CEP112: variants seen among roughly 807,000 people sequenced by gnomAD.
CEP112 encodes the protein centrosomal protein of 112 kDa.
A neutral mutation model predicts 153.0 loss-of-function variants in CEP112; 127 were observed. The observed-to-expected ratio is 0.83, with a 90% CI of 0.72 to 0.96. The LOEUF (loss-of-function observed/expected upper bound fraction) is 0.96, where lower values mean the gene tolerates loss of function less well. CEP112 is among the 40% of genes least tolerant of loss of function. The pLI is 0.00. For synonymous variants in CEP112, 358 were observed against 374.4 expected, an observed-to-expected ratio of 0.96 and a Z score of 0.51; for missense variants, 1,089 against 1,101.2, an observed-to-expected ratio of 0.99 and a Z score of 0.16.
chr17:66,181,728 T>C (rs1454009724), intron 2 of CEP112, among the ~76,000 whole-genome samples: 1 of 152,186 alleles, frequency 6.6e-6, no homozygotes, highest in Non-Finnish European at 1.5e-5. Flanking sequence ...TGAGAAATTT[T>C]AATACAAATG....
intron 12 of CEP112, among the ~76,000 whole-genome samples, chr17:66,036,216 G>C (rs2065733279): frequency 6.6e-6 from 1 of 152,138 alleles, no homozygotes; most frequent in South Asian, 2.1e-4. Context: ...AGACAGAATG[G>C]AAAATGGAAG....
At chr17:65,734,883 T>C (rs2050711064) in intron 23 of CEP112, among the ~76,000 whole-genome samples, 1 of 152,212 alleles carries the variant, frequency 6.6e-6, no homozygotes, top group African/African-American at 2.4e-5. Context: ...TCAGTGAGCT[T>C]TTCATACTAT....
chr17:65,953,496 T>C (rs1451643389), intron 18 of CEP112, among the ~76,000 whole-genome samples: 1 of 152,206 alleles, frequency 6.6e-6, no homozygotes, highest in African/African-American at 2.4e-5. Flanking sequence ...GCAGGCTCCC[T>C]GAGACAACAA....
chr17:65,640,995 A>G lies in CEP112; in HGVS notation c.2768T>C (p.Leu923Pro), dbSNP rs1194508339. ...TTTTAGGGAGGAAATGGTGTCTTCAAGTTCTTGTCTTAGGGATGCTGGCAT... is the reference window on the plus strand; with the variant it reads ...TTTTAGGGAGGAAATGGTGTCTTCAGGTTCTTGTCTTAGGGATGCTGGCAT... ...GLMPASLRQE[L>P]EDTISSLKSQ... Residue 923 changes from leucine to proline, a missense_variant, in exon 25 of 27, where the codon CTT (leucine) becomes CCT (proline). Leu to Pro is a moderately conservative substitution (Grantham distance 98). Transcript: ENST00000535342. The G allele has an allele frequency of 1.2e-6, 2 of 1,609,730 alleles. No individual in the cohort carries two copies. The highest frequency in any genetic ancestry group is 2.2e-5 in the East Asian group (1 of 44,812).
chr17:65,667,148 C>A (rs145067878), intron 24 of CEP112, among the ~76,000 whole-genome samples: 118 of 152,280 alleles, frequency 7.7e-4, no homozygotes, highest in African/African-American at 2.6e-3. Context: ...CATACCACAG[C>A]ATTCCCTTTT....
chr17:65,778,303 A>T (rs1418876784), intron 21 of CEP112, among the ~76,000 whole-genome samples: 1 of 152,212 alleles, frequency 6.6e-6, no homozygotes, highest in Non-Finnish European at 1.5e-5. Flanking sequence ...TCTAATATGG[A>T]TTAATGGGGC....
intron 16 of CEP112, among the ~76,000 whole-genome samples, chr17:66,011,505 AT>A (rs2064526108): frequency 6.6e-6 from 1 of 152,046 alleles, no homozygotes; most frequent in African/African-American, 2.4e-5. Context: ...AGGTTGTTTA[AT>A]TTCCATGTAA....
chr17:66,096,773 GTATGA>G (rs1321605312), intron 6 of CEP112, 141 bp from the exon 7 acceptor site: 2 of 617,366 alleles, frequency 3.2e-6, no homozygotes, highest in African/African-American at 3.7e-5. Flanking sequence ...AATGGGTATT[GTATGA>G]TATATTTTTA....
At chr17:65,724,376 T>C (rs1190238277) in intron 23 of CEP112, among the ~76,000 whole-genome samples, 3 of 152,334 alleles carry the variant, frequency 2.0e-5, no homozygotes, top group Admixed American at 2.0e-4. Flanking sequence ...TAATTTACCA[T>C]GCGATATTAT....
At chr17:65,906,291 A>G (rs1755414957) in intron 19 of CEP112, among the ~76,000 whole-genome samples, 2 of 151,918 alleles carry the variant, frequency 1.3e-5, no homozygotes, top group Admixed American at 6.6e-5. Flanking sequence ...TAGGGGAGGG[A>G]TAGCATTAGG....
chr17:65,821,930 T>G (rs987848511), intron 21 of CEP112, among the ~76,000 whole-genome samples: 2 of 151,990 alleles, frequency 1.3e-5, no homozygotes, highest in African/African-American at 4.8e-5. Flanking sequence ...TCTAAAAAGC[T>G]TTTTTAAAAC....
chr17:65,805,912 C>T (rs1733255793), intron 21 of CEP112, among the ~76,000 whole-genome samples: 1 of 152,152 alleles, frequency 6.6e-6, no homozygotes, highest in Non-Finnish European at 1.5e-5. Flanking sequence ...CAAATGTTTA[C>T]CAGTTCTGTA....
At chr17:66,102,041 T>C (rs943291203) in intron 6 of CEP112, among the ~76,000 whole-genome samples, 3 of 152,186 alleles carry the variant, frequency 2.0e-5, no homozygotes, top group African/African-American at 7.2e-5. Flanking sequence ...ATCTCAACAG[T>C]TATTTTTCCA....
At chr17:66,094,621 T>C (rs942380169) in intron 8 of CEP112, among the ~76,000 whole-genome samples, 1 of 151,888 alleles carries the variant, frequency 6.6e-6, no homozygotes, top group Non-Finnish European at 1.5e-5. Context: ...CCGAAAAGCA[T>C]AGTCAACAAA....
chr17:65,693,503 G>T lies in CEP112; in HGVS notation c.2608-4285C>A, dbSNP rs1423851208. 2.0e-5 allele frequency among the ~76,000 whole-genome samples: 3 copies of T among 152,158 alleles called. No homozygotes were observed. In the East Asian group the frequency reaches 5.8e-4, roughly 29 times the overall value. ...CAAAAGTGAAGGCCAAAGACAACAG[G>T]CCTGGAAAGAGGGTGATGGATATGG... is the stretch of plus-strand genomic sequence containing the variant. On this transcript the variant is annotated intron_variant, in intron 23 of 26. Coordinates refer to ENST00000535342, the MANE Select transcript of CEP112 (RefSeq NM_001199165.4).
intron 21 of CEP112, among the ~76,000 whole-genome samples, chr17:65,774,974 T>C (rs9972956): frequency 0.5 from 76,376 of 151,564 alleles, 20,843 homozygotes; most frequent in Non-Finnish European, 0.62. Flanking sequence ...AAAGGAGTAG[T>C]AGCAGCGGAG....
chr17:65,724,091 C>T (rs1011376260), intron 23 of CEP112, among the ~76,000 whole-genome samples: 3 of 152,008 alleles, frequency 2.0e-5, no homozygotes, highest in Non-Finnish European at 4.4e-5. Context: ...TCCACTTTTT[C>T]CTCTGTGTTT....
At chr17:65,906,265 CG>C (rs60160515) in intron 19 of CEP112, among the ~76,000 whole-genome samples, 16 of 107,350 alleles carry the variant, frequency 1.5e-4, no homozygotes, top group Admixed American at 6.8e-4. Flanking sequence ...AGGGGCCTGT[CG>C]GGGGGGTAGG....
intron 8 of CEP112, among the ~76,000 whole-genome samples, chr17:66,075,272 T>G (rs2067449053): frequency 6.6e-6 from 1 of 152,172 alleles, no homozygotes; most frequent in African/African-American, 2.4e-5. Flanking sequence ...TAGGGTTAAA[T>G]TAGATTATAC....
Sources: gnomAD v4.1 joint callset for allele counts (sites outside exome capture counted in the v4.1 genomes callset) on GRCh38, gnomAD v4.1.1 for gene constraint, MANE v1.5 for transcripts, NCBI Gene and HGNC (gene_info 2026-07-23, HGNC 2026-07-21) for gene names.